HIPK2: variants seen among roughly 807,000 people sequenced by gnomAD.
The protein encoded by HIPK2 is homeodomain interacting protein kinase 2.
A neutral mutation model predicts 113.7 loss-of-function variants in HIPK2; 27 were observed. The ratio of observed to expected loss-of-function variants is 0.24; its 90% CI spans 0.17 to 0.33. The LOEUF is 0.33. Among genes scored for constraint, HIPK2 ranks in the 10% least tolerant of loss-of-function variants. The pLI is 1.00. For missense variants in HIPK2, 1,257 were observed against 1,588.0 expected, an observed-to-expected ratio of 0.79 and a Z score of 3.54; for synonymous variants, 631 against 642.2, an observed-to-expected ratio of 0.98 and a Z score of 0.26.
chr7:139,755,332 A>C (rs1796345462), intron 1 of HIPK2, among the ~76,000 whole-genome samples: 1 of 152,202 alleles, frequency 6.6e-6, no homozygotes, highest in Admixed American at 6.5e-5. Context: ...GTTTTTTACA[A>C]CCAACCCTGG....
chr7:139,574,960 T>C, intron 14 of HIPK2, 168 bp downstream of exon 14: 1 of 396,630 alleles, frequency 2.5e-6, no homozygotes, highest in Non-Finnish European at 3.4e-6. Flanking sequence ...AAGGGTGACC[T>C]GTGGTAGAAA....
intron 1 of HIPK2, among the ~76,000 whole-genome samples, chr7:139,764,650 A>C (rs1394076957): frequency 6.6e-6 from 1 of 152,224 alleles, no homozygotes; most frequent in Non-Finnish European, 1.5e-5. Context: ...AGCTGAAAAA[A>C]GAAGTCTAGG....
intron 2 of HIPK2, among the ~76,000 whole-genome samples, chr7:139,633,611 A>G (rs1426484819): frequency 1.3e-5 from 2 of 151,634 alleles, no homozygotes; most frequent in African/African-American, 4.9e-5. Context: ...CAGGAGTTTC[A>G]GACCAGCCTG....
At chr7:139,690,035 T>C (rs1261321193) in intron 2 of HIPK2, among the ~76,000 whole-genome samples, 1 of 120,344 alleles carries the variant, frequency 8.3e-6, no homozygotes, top group Non-Finnish European at 1.6e-5. Flanking sequence ...GGGCCCAATC[T>C]ATGCAGGTCC....
intron 11 of HIPK2, 110 bp from the exon 12 acceptor site, chr7:139,597,108 C>G: frequency 6.7e-6 from 8 of 1,192,264 alleles, no homozygotes; most frequent in Non-Finnish European, 9.3e-6. Context: ...CTGTAAAACA[C>G]GTCAGTGGCT....
intron 1 of HIPK2, among the ~76,000 whole-genome samples, chr7:139,755,163 A>C (rs541204995): frequency 6.6e-6 from 1 of 152,310 alleles, no homozygotes; most frequent in South Asian, 2.1e-4. Flanking sequence ...CGAGGTGTGA[A>C]GGGAGGTCTG....
chr7:139,614,975 G>A (rs756045452), intron 7 of HIPK2, among the ~76,000 whole-genome samples: 1 of 152,152 alleles, frequency 6.6e-6, no homozygotes, highest in Non-Finnish European at 1.5e-5. Flanking sequence ...CCTTCTCTCT[G>A]CCCAAGCCCC....
chr7:139,703,824 C>A (rs1794788866), intron 2 of HIPK2, among the ~76,000 whole-genome samples: 1 of 138,446 alleles, frequency 7.2e-6, no homozygotes, highest in Non-Finnish European at 1.5e-5. Flanking sequence ...CTACACCCAA[C>A]ACATACACCT....
intron 1 of HIPK2, among the ~76,000 whole-genome samples, chr7:139,739,995 C>T (rs537674715): frequency 2.8e-4 from 43 of 152,268 alleles, no homozygotes; most frequent in African/African-American, 9.6e-4. Flanking sequence ...CTTTTCGCTG[C>T]GATGCAACCA....
chr7:139,615,042 C>G (rs1486558816), intron 7 of HIPK2, among the ~76,000 whole-genome samples: 3 of 152,190 alleles, frequency 2.0e-5, no homozygotes, highest in African/African-American at 4.8e-5. Flanking sequence ...CCTGCACGTC[C>G]AAGCTCTGCT....
intron 10 of HIPK2, among the ~76,000 whole-genome samples, chr7:139,602,541 A>G (rs1040643290): frequency 1.3e-5 from 2 of 152,148 alleles, no homozygotes; most frequent in Non-Finnish European, 2.9e-5. Context: ...TTCTGAAATT[A>G]GATGAGCTAT....
chr7:139,627,042 A>G (rs1239625012), intron 5 of HIPK2, among the ~76,000 whole-genome samples: 2 of 152,158 alleles, frequency 1.3e-5, no homozygotes, highest in East Asian at 3.9e-4. Context: ...ACCTGCAAAT[A>G]TATCTGAATG....
At chr7:139,593,878 G>A (rs1322685612) in intron 12 of HIPK2, among the ~76,000 whole-genome samples, 1 of 152,212 alleles carries the variant, frequency 6.6e-6, no homozygotes, top group Non-Finnish European at 1.5e-5. Flanking sequence ...GCTGGAGAGG[G>A]ACCAGGTGAC....
intron 1 of HIPK2, among the ~76,000 whole-genome samples, chr7:139,741,777 A>G (rs1300899941): frequency 6.6e-6 from 1 of 152,232 alleles, no homozygotes; most frequent in African/African-American, 2.4e-5. Context: ...CAGTATGATC[A>G]CCACCATTCA....
Position 139,695,577 on chromosome 7 carries a change from G to C in HIPK2, c.1103+20355C>G, listed in dbSNP as rs1794538700. On this transcript the variant is annotated intron_variant, in intron 2 of 14. Transcript: ENST00000406875. Reference sequence around the variant, plus strand: ...ATTCAAGAGGCCAGGGGAAAGCAAAGAATCAGAACAAATCAGAACTGCTCT... The same window carrying C: ...ATTCAAGAGGCCAGGGGAAAGCAAACAATCAGAACAAATCAGAACTGCTCT... Among the ~76,000 whole-genome samples, 4 of 152,154 alleles carry C rather than the reference G, an allele frequency of 2.6e-5. No homozygotes were observed. The South Asian group carries it at 8.3e-4, about 32-fold the overall frequency.
chr7:139,602,031 C>A (rs543892257), intron 10 of HIPK2, among the ~76,000 whole-genome samples: 28 of 148,270 alleles, frequency 1.9e-4, no homozygotes, highest in African/African-American at 7.0e-4. Context: ...CGGCTCACTG[C>A]AACCTCTGCC....
chr7:139,772,939 C>T (rs1278491332), intron 1 of HIPK2, among the ~76,000 whole-genome samples: 1 of 145,512 alleles, frequency 6.9e-6, no homozygotes, highest in African/African-American at 2.6e-5. Context: ...GTATGAACTG[C>T]CACTAAAAAA....
intron 2 of HIPK2, among the ~76,000 whole-genome samples, chr7:139,642,393 T>C (rs988395531): frequency 6.6e-6 from 1 of 151,972 alleles, no homozygotes; most frequent in East Asian, 1.9e-4. Context: ...TTCAGAGGAA[T>C]TGGAGCCAGA....
intron 1 of HIPK2, among the ~76,000 whole-genome samples, chr7:139,723,995 G>A (rs763488780): frequency 6.6e-5 from 10 of 150,422 alleles, no homozygotes; most frequent in Non-Finnish European, 1.3e-4. Context: ...CTTAATAGAT[G>A]CTACAGATCT....
Sources: allele counts gnomAD v4.1 joint callset (sites outside exome capture counted in the v4.1 genomes callset), GRCh38; gene constraint gnomAD v4.1.1; transcripts MANE v1.5; gene names NCBI Gene and HGNC (gene_info 2026-07-23, HGNC 2026-07-21).